Variants in TNS3 observed in about 807,000 individuals in gnomAD.
TNS3 encodes tensin-3.
A neutral mutation model predicts 140.9 loss-of-function variants in TNS3; 45 were observed. The ratio of observed to expected loss-of-function variants is 0.32; its 90% confidence interval spans 0.25 to 0.41. TNS3 has a LOEUF of 0.41. Ranked by LOEUF, TNS3 falls within the 10% of genes least tolerant of loss-of-function variation. The probability of loss-of-function intolerance (pLI) is 1.00; values close to 1 mark genes in which losing one functional copy is unlikely to be tolerated. For missense variants in TNS3, 1,716 were observed against 1,906.7 expected, an observed-to-expected ratio of 0.90 and a Z score of 1.86; for synonymous variants, 815 against 788.4, an observed-to-expected ratio of 1.03 and a Z score of -0.56.
intron 6 of TNS3, among the ~76,000 whole-genome samples, 177 bp from the exon 7 acceptor site, chr7:47,437,490 T>C (rs1392378056): frequency 6.6e-6 from 1 of 151,742 alleles, no homozygotes; most frequent in Non-Finnish European, 1.5e-5. Context: ...ACATCAGAGA[T>C]GAAAGCAGAA....
chr7:47,310,272 A>G (rs1038197573), intron 20 of TNS3, among the ~76,000 whole-genome samples: 4 of 152,218 alleles, frequency 2.6e-5, no homozygotes, highest in African/African-American at 9.6e-5. Flanking sequence ...TACGAATCTA[A>G]AAAAGATCAG....
At chr7:47,410,741 C>T (rs1397640543) in intron 13 of TNS3, among the ~76,000 whole-genome samples, 1 of 152,084 alleles carries the variant, frequency 6.6e-6, no homozygotes, top group African/African-American at 2.4e-5. Context: ...CTCGAGTCAC[C>T]CTACTGCCTT....
At chr7:47,340,113 ATATTTTTTTTTTTTTTTT>A (rs1788901929) in intron 20 of TNS3, among the ~76,000 whole-genome samples, 2 of 42,050 alleles carry the variant, frequency 4.8e-5, no homozygotes, top group Admixed American at 7.6e-4. Context: ...ATATATATAT[ATATTTTTTTTTTTTTTTT>A]TTTTTTTTTT....
At chr7:47,361,162 G>A (rs1326082659) in intron 17 of TNS3, among the ~76,000 whole-genome samples, 1 of 132,438 alleles carries the variant, frequency 7.6e-6, no homozygotes, top group Non-Finnish European at 1.6e-5. Context: ...CAGGCTCAGT[G>A]CACCTTCTCA....
Position 47,369,274 on chromosome 7 carries a change from C to T in TNS3, c.1372G>A (p.Val458Met). The change falls in exon 17 of 31, where the codon GTG becomes ATG. Residue 458 changes from valine (V) to methionine (M), a missense_variant. Val to Met is a conservative substitution (Grantham distance 21). Around this residue, in one of 3 missense-constraint regions of TNS3, gnomAD observed 1,163 missense variants for 1,182.1 expected, o/e 0.98. Transcript: ENST00000311160. ...CCATTCACGTGAACCTGGGCTGGCA[C>T]CACGTGGCGGGTCCCACTGTACTTG... is the stretch of plus-strand genomic sequence containing the variant. ...RSKYSGTRHVVPAQVHVNGDA... is the reference protein window; with the variant it reads ...RSKYSGTRHVMPAQVHVNGDA... 6.2e-7 allele frequency: 1 copy of T among 1,614,194 alleles called. No homozygotes were observed. Among genetic ancestry groups the T allele is most frequent in the Non-Finnish European group, 8.5e-7 (1 of 1,180,050 alleles).
At chr7:47,510,876 A>G (rs1054988827) in intron 2 of TNS3, among the ~76,000 whole-genome samples, 4 of 151,714 alleles carry the variant, frequency 2.6e-5, no homozygotes, top group African/African-American at 9.7e-5. Flanking sequence ...AAAAAAAAAA[A>G]AAAAGACTTG....
Position 47,369,058 on chromosome 7 carries a change from C to A in TNS3, c.1588G>T (p.Gly530Cys), listed in dbSNP as rs1469973944. 38 of 1,613,980 alleles carry A rather than the reference C, an allele frequency of 2.4e-5. No homozygotes were observed. The highest frequency in any genetic ancestry group is 3.1e-5 in the Non-Finnish European group (36 of 1,180,054). Residue 530 changes from glycine to cysteine, a missense_variant, in exon 17 of 31, where the codon GGT becomes TGT. Coordinates refer to ENST00000311160, the MANE Select transcript of TNS3 (RefSeq NM_022748.12). ...ACGAGGGTGCCCTGCGGATCTTCAC[C>A]AACGTTGCTGCCAAAACCGTCAGAT... ...LLSDGFGSNV[G>C]EDPQGTLVPD...
intron 1 of TNS3, 33 bp from the exon 2 acceptor site, chr7:47,529,180 T>C: frequency 8.9e-7 from 1 of 1,122,620 alleles, no homozygotes; most frequent in African/African-American, 1.6e-5. Context: ...TGTCAACGTT[T>C]CATCTCATAG....
intron 4 of TNS3, among the ~76,000 whole-genome samples, chr7:47,460,212 C>CAAAAAAAAAA (rs10526565): frequency 8.7e-6 from 1 of 115,052 alleles, no homozygotes; most frequent in Non-Finnish European, 1.7e-5. Context: ...GACTCTGTCC[C>CAAAAAAAAAA]AAAAAAAAAA....
At chr7:47,492,433 C>T (rs1463726535) in intron 3 of TNS3, among the ~76,000 whole-genome samples, 2 of 152,370 alleles carry the variant, frequency 1.3e-5, no homozygotes, top group East Asian at 1.9e-4. Flanking sequence ...TCCTCACCTG[C>T]AGCCAACATA....
At position 47,369,541 on chromosome 7, in the gene TNS3, C is replaced by G; in HGVS notation, c.1105G>C (p.Gly369Arg). 6.2e-7 allele frequency: 1 copy of G among 1,613,386 alleles called. No homozygotes were observed. Among genetic ancestry groups the G allele is most frequent in the Non-Finnish European group, 8.5e-7 (1 of 1,179,666 alleles). ...KKSSSDPGIPGGPQAIPATNS... is the reference protein window; with the variant it reads ...KKSSSDPGIPRGPQAIPATNS... ...GTGGCCGGGATTGCCTGGGGGCCAC[C>G]TGGGATGCCAGGATCCGAGGAGCTT... Residue 369 changes from glycine (G) to arginine (R), a missense_variant, in exon 17 of 31, where the codon GGT (glycine) becomes CGT (arginine). Coordinates refer to ENST00000311160, the MANE Select transcript of TNS3 (RefSeq NM_022748.12).
intron 20 of TNS3, among the ~76,000 whole-genome samples, chr7:47,331,855 A>G (rs535969383): frequency 2.0e-5 from 3 of 152,372 alleles, no homozygotes; most frequent in African/African-American, 7.2e-5. Context: ...TAGAATTTAA[A>G]CAGACAACAA....
chr7:47,524,239 A>C (rs962225312), intron 2 of TNS3, among the ~76,000 whole-genome samples: 1 of 152,184 alleles, frequency 6.6e-6, no homozygotes, highest in Admixed American at 6.5e-5. Context: ...CCCGAGTCCC[A>C]GCTCTGCACC....
rs142721418 is a variant in TNS3 at position 47,275,584 on chromosome 7, G to C, written c.*2492C>G. 2 of 327,282 alleles carry C rather than the reference G, an allele frequency of 6.1e-6. No individual in the cohort carries two copies. The allele number at this position is 327,282 out of a possible 1,614,324, so 20.3% of individuals were successfully genotyped here. On this transcript the variant is annotated 3_prime_UTR_variant, in exon 31 of 31. Coordinates refer to ENST00000311160, the MANE Select transcript of TNS3 (RefSeq NM_022748.12). ...GTGTCCACGGTGGGGGCTCTCTCAC[G>C]GTTTCTGAGCCCACAGTACAATCTG...
intron 8 of TNS3, among the ~76,000 whole-genome samples, chr7:47,434,308 A>AG (rs1554326427): frequency 1.6e-5 from 2 of 128,358 alleles, no homozygotes; most frequent in African/African-American, 2.5e-5. Flanking sequence ...AGAGTCCGGA[A>AG]GAAAAAAAAA....
chr7:47,561,233 C>T (rs2151998321), intron 1 of TNS3, among the ~76,000 whole-genome samples: 1 of 152,280 alleles, frequency 6.6e-6, no homozygotes, highest in East Asian at 1.9e-4. Context: ...ACATGGAGCA[C>T]AGGATGCTCA....
chr7:47,471,152 GGTGAAATCAAAGGAAAA>G (rs1796936838), intron 4 of TNS3, among the ~76,000 whole-genome samples: 1 of 152,100 alleles, frequency 6.6e-6, no homozygotes, highest in Non-Finnish European at 1.5e-5. Context: ...GAGAGGAGAC[GGTGAAATCAAAGGAAAA>G]GTGTGGATCA....
At chr7:47,309,588 G>C (rs78502432) in intron 20 of TNS3, among the ~76,000 whole-genome samples, 1 of 152,140 alleles carries the variant, frequency 6.6e-6, no homozygotes, top group Non-Finnish European at 1.5e-5. Context: ...CTAAAAGGGA[G>C]GATGAATAAT....
intron 1 of TNS3, among the ~76,000 whole-genome samples, chr7:47,560,889 A>AC (rs1800307426): frequency 6.6e-6 from 1 of 152,004 alleles, no homozygotes; most frequent in African/African-American, 2.4e-5. Flanking sequence ...ACCTTGTGTG[A>AC]CCCCCACATC....
Sources: allele counts gnomAD v4.1 joint callset (sites outside exome capture counted in the v4.1 genomes callset), GRCh38; gene constraint gnomAD v4.1.1; regional missense constraint gnomAD v4.1.1; transcripts MANE v1.5; gene names NCBI Gene and HGNC (gene_info 2026-07-23, HGNC 2026-07-21).